Variants in FTO observed in about 807,000 individuals in gnomAD.
The protein encoded by FTO is alpha-ketoglutarate-dependent dioxygenase FTO.
FTO carries 47 observed loss-of-function variants against 63.9 expected under a neutral mutation model. The observed-to-expected ratio is 0.74, with a 90% CI of 0.58 to 0.94. The LOEUF is 0.94. FTO is among the 40% of genes least tolerant of loss of function. FTO has a pLI of 0.00. For missense variants in FTO, 562 were observed against 618.1 expected (o/e 0.91, Z 0.96); for synonymous variants, 207 against 224.4 (o/e 0.92, Z 0.69).
chr16:54,063,446 G>A (rs1345640967), intron 8 of FTO, among the ~76,000 whole-genome samples: 9 of 152,296 alleles, frequency 5.9e-5, no homozygotes, highest in Middle Eastern at 3.4e-3. Context: ...CTTGAGATCC[G>A]AACAGCGCTA....
intron 8 of FTO, among the ~76,000 whole-genome samples, chr16:53,974,658 C>G (rs1182822708): frequency 6.6e-6 from 1 of 151,448 alleles, no homozygotes; most frequent in Non-Finnish European, 1.5e-5. Context: ...TTGTCACACG[C>G]ACTCACTGCC....
chr16:53,756,535 G>C (rs946643016), intron 1 of FTO, among the ~76,000 whole-genome samples: 1 of 152,122 alleles, frequency 6.6e-6, no homozygotes, highest in Admixed American at 6.5e-5. Flanking sequence ...AACATTATGT[G>C]TATTAGATAA....
rs532852190 is a variant in FTO, at chr16:54,113,811, CT to C, written c.*1911del. The C allele has an allele frequency of 0.53, 69,626 of 132,334 alleles. 17,101 individuals are homozygous for C. Among genetic ancestry groups the C allele is most frequent in the Non-Finnish European group, 0.59 (35,938 of 60,414 alleles). The allele number at this position is 132,334 out of a possible 1,614,324, so 8.2% of individuals were successfully genotyped here. On this transcript the variant is annotated 3_prime_UTR_variant, in exon 9 of 9. Transcript: ENST00000471389. Reference sequence around the variant, plus strand: ...AGGTCTGCATTTTCTTTTTTCTTTTCTTTTTTTTTTTTTTTGAGACACAGTC... The same window carrying C: ...AGGTCTGCATTTTCTTTTTTCTTTTCTTTTTTTTTTTTTTGAGACACAGTC...
intron 1 of FTO, among the ~76,000 whole-genome samples, chr16:53,803,927 C>A (rs1469117450): frequency 1.3e-5 from 2 of 152,170 alleles, no homozygotes; most frequent in African/African-American, 4.8e-5. Flanking sequence ...TGGCATTAAT[C>A]TGTGGCCTAA....
intron 2 of FTO, among the ~76,000 whole-genome samples, chr16:53,815,715 C>T (rs1167815093): frequency 1.5e-5 from 2 of 135,154 alleles, no homozygotes; most frequent in African/African-American, 5.9e-5. Flanking sequence ...GTGGTGCGGT[C>T]TTGGCTCACT....
intron 1 of FTO, among the ~76,000 whole-genome samples, chr16:53,787,929 A>G (rs79489731): frequency 0.025 from 3,797 of 152,262 alleles, 160 homozygotes; most frequent in African/African-American, 0.086. Flanking sequence ...GTGATTGGCT[A>G]CTTCCAGGAT....
At chr16:53,910,399 G>A (rs2081658660) in intron 7 of FTO, among the ~76,000 whole-genome samples, 1 of 152,118 alleles carries the variant, frequency 6.6e-6, no homozygotes. Flanking sequence ...ATTAGAACTG[G>A]TAGCAGCATT....
intron 8 of FTO, among the ~76,000 whole-genome samples, chr16:54,082,176 A>G (rs2144515199): frequency 6.6e-6 from 1 of 152,288 alleles, no homozygotes; most frequent in South Asian, 2.1e-4. Context: ...GTGAAATTCT[A>G]TTTAAACTGT....
At chr16:53,803,311 T>C (rs1324166771) in intron 1 of FTO, among the ~76,000 whole-genome samples, 1 of 152,226 alleles carries the variant, frequency 6.6e-6, no homozygotes, top group African/African-American at 2.4e-5. Flanking sequence ...TTCTGAGTGT[T>C]CTTCCTGATG....
At chr16:53,819,049 G>A (rs540348481) in intron 2 of FTO, among the ~76,000 whole-genome samples, 13 of 152,092 alleles carry the variant, frequency 8.5e-5, no homozygotes, top group Admixed American at 4.6e-4. Context: ...CTAATTGCAC[G>A]CTATCAGAAT....
rs1163133397 is a variant in FTO, at chr16:54,116,316, T to G, written c.*4401T>G. On this transcript the variant is annotated 3_prime_UTR_variant, in exon 9 of 9. Coordinates refer to ENST00000471389, the MANE Select transcript of FTO (RefSeq NM_001080432.3). Reference sequence around the variant, plus strand: ...ATGCCACGCTAAAAACTGTTTATTTTGGAGATCTGTCAGAGGCAAGCACAT... The same window carrying G: ...ATGCCACGCTAAAAACTGTTTATTTGGGAGATCTGTCAGAGGCAAGCACAT... The G allele has an allele frequency of 6.6e-6, 1 of 152,132 alleles. No individual in the cohort carries two copies. Among genetic ancestry groups the G allele is most frequent in the Non-Finnish European group, 1.5e-5 (1 of 68,026 alleles). The allele number at this position is 152,132 out of a possible 1,614,324, so 9.4% of individuals were successfully genotyped here. A position where few individuals can be genotyped will look rare whatever the true frequency, so the allele number is the denominator to read the frequency against.
At chr16:53,932,675 C>A (rs991266127) in intron 7 of FTO, among the ~76,000 whole-genome samples, 2 of 152,124 alleles carry the variant, frequency 1.3e-5, no homozygotes, top group Non-Finnish European at 2.9e-5. Flanking sequence ...CAGGCATGAA[C>A]CACTGCACTC....
intron 4 of FTO, among the ~76,000 whole-genome samples, chr16:53,870,400 G>A (rs2080461788): frequency 6.6e-6 from 1 of 152,092 alleles, no homozygotes; most frequent in African/African-American, 2.4e-5. Context: ...TCCCGTCTAC[G>A]TTGAATCTCC....
intron 3 of FTO, among the ~76,000 whole-genome samples, chr16:53,829,692 G>A (rs1030225336): frequency 3.9e-5 from 6 of 152,168 alleles, no homozygotes; most frequent in South Asian, 4.2e-4. Flanking sequence ...TCAATGAGCT[G>A]TTCTAGACAG....
At chr16:53,853,820 T>A (rs1003802820) in intron 4 of FTO, among the ~76,000 whole-genome samples, 2 of 152,180 alleles carry the variant, frequency 1.3e-5, no homozygotes, top group Admixed American at 6.5e-5. Context: ...TAATGACTTC[T>A]TTTTCAGGTA....
intron 2 of FTO, 70 bp downstream of exon 2, chr16:53,810,287 A>C: frequency 8.0e-6 from 9 of 1,121,736 alleles, no homozygotes; most frequent in Non-Finnish European, 1.1e-5. Context: ...CCTATGAGGA[A>C]GCTGGGCTAG....
intron 8 of FTO, among the ~76,000 whole-genome samples, chr16:53,984,386 C>T (rs572306936): frequency 7.3e-6 from 1 of 136,256 alleles, no homozygotes; most frequent in South Asian, 2.3e-4. Flanking sequence ...ACAATGATGC[C>T]ATGATGGCTC....
chr16:53,855,838 T>C (rs2079975311), intron 4 of FTO, among the ~76,000 whole-genome samples: 1 of 152,232 alleles, frequency 6.6e-6, no homozygotes, highest in Non-Finnish European at 1.5e-5. Context: ...CATTCCCTTC[T>C]AAATTTTTTT....
chr16:53,988,445 T>A (rs1032357494), intron 8 of FTO, among the ~76,000 whole-genome samples: 9 of 152,070 alleles, frequency 5.9e-5, no homozygotes, highest in African/African-American at 2.2e-4. Context: ...CTTTTAAGGG[T>A]TTTTTTAATC....
Sources: allele counts gnomAD v4.1 joint callset (sites outside exome capture counted in the v4.1 genomes callset), GRCh38; gene constraint gnomAD v4.1.1; transcripts MANE v1.5; gene names NCBI Gene and HGNC (gene_info 2026-07-23, HGNC 2026-07-21).